The following MYOM1 variants were observed in gnomAD, a reference collection of about 807,000 sequenced individuals.
MYOM1 encodes the protein myomesin-1.
A neutral mutation model predicts 205.3 loss-of-function variants in MYOM1; 164 were observed. The observed-to-expected ratio is 0.80, with a 90% CI of 0.70 to 0.91. The LOEUF (loss-of-function observed/expected upper bound fraction) is 0.91. Ranked by LOEUF, MYOM1 falls within the 40% of genes least tolerant of loss-of-function variation. The probability of loss-of-function intolerance (pLI) is 0.00; values close to 1 mark genes in which losing one functional copy is unlikely to be tolerated. For missense variants in MYOM1, 2,011 were observed against 2,127.3 expected, an observed-to-expected ratio of 0.95 and a Z score of 1.08; for synonymous variants, 772 against 789.4, an observed-to-expected ratio of 0.98 and a Z score of 0.37.
intron 13 of MYOM1, among the ~76,000 whole-genome samples, chr18:3,148,592 C>A (rs929400767): frequency 1.6e-4 from 24 of 151,790 alleles, no homozygotes; most frequent in Admixed American, 7.9e-4. Context: ...TCACGTCTGT[C>A]ATCCCAGCAC....
chr18:3,138,799 A>C (rs1282582897), intron 14 of MYOM1, among the ~76,000 whole-genome samples: 2 of 152,194 alleles, frequency 1.3e-5, no homozygotes, highest in African/African-American at 4.8e-5. Context: ...GTAGTATTGT[A>C]TGATTGTCAA....
At chr18:3,193,323 C>CATATAT (rs1191269215) in intron 3 of MYOM1, among the ~76,000 whole-genome samples, 1 of 144,660 alleles carries the variant, frequency 6.9e-6, no homozygotes, top group Non-Finnish European at 1.5e-5. Context: ...TGTATATGTA[C>CATATAT]ATATACATAT....
At chr18:3,142,782 G>A (rs1251533040) in intron 13 of MYOM1, among the ~76,000 whole-genome samples, 1 of 152,112 alleles carries the variant, frequency 6.6e-6, no homozygotes, top group Non-Finnish European at 1.5e-5. Flanking sequence ...AAATAAGCAG[G>A]GCACAGAATC....
At chr18:3,094,505 G>A (rs1177207610) in intron 25 of MYOM1, among the ~76,000 whole-genome samples, 199 bp from the exon 26 acceptor site, 1 of 152,042 alleles carries the variant, frequency 6.6e-6, no homozygotes, top group African/African-American at 2.4e-5. Flanking sequence ...TCTGATGCTG[G>A]GACTGTCACT....
intron 2 of MYOM1, among the ~76,000 whole-genome samples, chr18:3,207,223 G>A (rs1011334016): frequency 6.6e-6 from 1 of 152,152 alleles, no homozygotes; most frequent in Non-Finnish European, 1.5e-5. Context: ...AACTCTGAGA[G>A]AATTAAATCT....
chr18:3,105,122 A>AGGG (rs2079435951), intron 22 of MYOM1, among the ~76,000 whole-genome samples: 1 of 152,200 alleles, frequency 6.6e-6, no homozygotes, highest in Non-Finnish European at 1.5e-5. Flanking sequence ...GTAGATTAAA[A>AGGG]AAAGACAGGG....
Position 3,129,446 on chromosome 18 carries a change from G to GC in MYOM1, c.2579dup (p.Val861ArgfsTer3). 6.2e-7 allele frequency: 1 copy of GC among 1,613,930 alleles called. No homozygotes were observed. Among genetic ancestry groups the GC allele is most frequent in the African/African-American group, 1.3e-5 (1 of 75,048 alleles). Reference sequence around the variant, plus strand: ...AGGTTGGCGGGGAGGCTTCATGCACGCGCCCCCTGGAGGCGGTTAGTCCAC... The same window carrying GC: ...AGGTTGGCGGGGAGGCTTCATGCACGCCGCCCCCTGGAGGCGGTTAGTCCAC... On this transcript the variant is annotated frameshift_variant, in exon 18 of 38. Coordinates refer to ENST00000356443, the MANE Select transcript of MYOM1 (RefSeq NM_003803.4). LOFTEE classifies it high-confidence loss of function.
intron 9 of MYOM1, among the ~76,000 whole-genome samples, chr18:3,166,146 C>G (rs1325573390): frequency 6.6e-6 from 1 of 152,054 alleles, no homozygotes; most frequent in African/African-American, 2.4e-5. Context: ...GGGGTGACAG[C>G]AGAGCATTAA....
intron 2 of MYOM1, among the ~76,000 whole-genome samples, chr18:3,197,761 T>C (rs923045994): frequency 3.3e-5 from 5 of 151,848 alleles, no homozygotes; most frequent in Admixed American, 1.3e-4. Context: ...TGGTCCCAGC[T>C]ACTCGGGAGG....
At chr18:3,239,717 A>C in the MYOM1 span, among the ~76,000 whole-genome samples, 2 of 139,708 alleles carry the variant, frequency 1.4e-5, no homozygotes, top group African/African-American at 5.5e-5. Flanking sequence ...TGATGGTACC[A>C]CTGCAGTCTG....
intron 5 of MYOM1, among the ~76,000 whole-genome samples, chr18:3,182,930 TTTTTTTTTTTTTG>T: frequency 1.6e-5 from 2 of 126,148 alleles, no homozygotes. Context: ...TTTTTTTTTT[TTTTTTTTTTTTTG>T]AGACAGAGTT....
At chr18:3,129,596 A>G in intron 17 of MYOM1, 77 bp from the exon 18 acceptor site, 1 of 1,457,804 alleles carries the variant, frequency 6.9e-7, no homozygotes, top group South Asian at 1.5e-5. Flanking sequence ...TAGAACAAAG[A>G]GAAAAACATT....
intron 3 of MYOM1, among the ~76,000 whole-genome samples, chr18:3,192,639 T>A (rs140734346): frequency 0.012 from 1,753 of 152,320 alleles, 13 homozygotes; most frequent in Middle Eastern, 0.02. Context: ...AACTCTCTGT[T>A]CAAAGAGAAA....
chr18:3,086,193 T>G, intron 29 of MYOM1, 42 bp from the exon 30 acceptor site: 8 of 1,285,098 alleles, frequency 6.2e-6, no homozygotes, highest in Non-Finnish European at 8.7e-6. Flanking sequence ...AATAAGAAAG[T>G]GTACTCTTGT....
intron 17 of MYOM1, among the ~76,000 whole-genome samples, chr18:3,130,586 G>C (rs2079861535): frequency 6.6e-6 from 1 of 151,926 alleles, no homozygotes; most frequent in Admixed American, 6.6e-5. Flanking sequence ...TGAATAGCTG[G>C]GACTACAGAC....
intron 8 of MYOM1, among the ~76,000 whole-genome samples, chr18:3,169,853 T>A (rs1278088331): frequency 1.3e-5 from 2 of 152,232 alleles, no homozygotes; most frequent in East Asian, 3.8e-4. Context: ...CCGATGTTTA[T>A]TGCAGCCCTT....
chr18:3,129,079 T>C (rs1475509270), intron 18 of MYOM1, among the ~76,000 whole-genome samples, 153 bp downstream of exon 18: 1 of 152,242 alleles, frequency 6.6e-6, no homozygotes, highest in Non-Finnish European at 1.5e-5. Context: ...AGTCATCAGA[T>C]GAAAGTACAC....
intron 22 of MYOM1, among the ~76,000 whole-genome samples, chr18:3,106,767 G>A (rs1232896816): frequency 6.6e-6 from 1 of 152,178 alleles, no homozygotes; most frequent in African/African-American, 2.4e-5. Context: ...AGGCTGTGGT[G>A]AGCAATGATC....
intron 2 of MYOM1, among the ~76,000 whole-genome samples, chr18:3,197,676 A>T (rs1001137004): frequency 3.3e-5 from 5 of 151,810 alleles, no homozygotes; most frequent in South Asian, 2.1e-4. Context: ...GATCGAGACC[A>T]TCCTAGCTAA....
Sources: allele counts gnomAD v4.1 joint callset (sites outside exome capture counted in the v4.1 genomes callset), GRCh38; gene constraint gnomAD v4.1.1; transcripts MANE v1.5; gene names NCBI Gene and HGNC (gene_info 2026-07-23, HGNC 2026-07-21).